Variants in IL1RAPL2 observed in about 807,000 individuals in gnomAD.
IL1RAPL2 encodes the protein interleukin 1 receptor accessory protein like 2.
Under a neutral mutation model 44.1 loss-of-function variants are expected in IL1RAPL2, and 3 were observed. The ratio of observed to expected loss-of-function variants is 0.07; its 90% CI spans 0.03 to 0.18. The LOEUF is 0.18. IL1RAPL2 is among the 10% of genes least tolerant of loss of function. The pLI, the probability that IL1RAPL2 is intolerant of heterozygous loss-of-function variation, is 1.00. For missense variants in IL1RAPL2, 391 were observed against 496.4 expected, an observed-to-expected ratio of 0.79 and a Z score of 2.02; for synonymous variants, 181 against 178.8, an observed-to-expected ratio of 1.01 and a Z score of -0.10.
intron 2 of IL1RAPL2, among the ~76,000 whole-genome samples, chrX:105,037,612 C>G (rs2031652877): frequency 8.9e-6 from 1 of 111,754 alleles, no homozygotes; most frequent in African/African-American, 3.3e-5. Context: ...TGCTCTGCTT[C>G]CCCTCCTATT....
rs764733183 is a variant in IL1RAPL2 at position 104,566,634 on chromosome X, C to T, written c.-437C>T. 8.8e-6 allele frequency: 1 copy of T among 113,030 alleles called. No individual in the cohort carries two copies. Among genetic ancestry groups the T allele is most frequent in the Admixed American group, 9.2e-5 (1 of 10,825 alleles). 9.3% of individuals were successfully genotyped at this position (113,030 alleles called of 1,213,427 possible). On this transcript the variant is annotated 5_prime_UTR_variant, in exon 1 of 11. Coordinates refer to ENST00000372582, the MANE Select transcript of IL1RAPL2 (RefSeq NM_017416.2). ...GCAAGGCTGCTCCGAAGCGAAGTCG[C>T]GCAAAAGGAAGAGTCTGGGAGGCAG...
intron 2 of IL1RAPL2, among the ~76,000 whole-genome samples, chrX:105,000,100 A>G (rs1427294339): frequency 6.3e-5 from 7 of 110,533 alleles, no homozygotes; most frequent in Admixed American, 3.9e-4. Flanking sequence ...TATAGATTCA[A>G]TCCCTAGCAA....
At chrX:105,209,132 C>T (rs1315800311) in intron 3 of IL1RAPL2, among the ~76,000 whole-genome samples, 1 of 111,948 alleles carries the variant, frequency 8.9e-6, no homozygotes, top group East Asian at 2.8e-4. Context: ...GGTACAAAGT[C>T]ACAGAAAATT....
intron 3 of IL1RAPL2, among the ~76,000 whole-genome samples, chrX:105,203,208 T>C (rs1347838528): frequency 8.9e-6 from 1 of 112,151 alleles, no homozygotes; most frequent in Non-Finnish European, 1.9e-5. Flanking sequence ...CTATCCCTAT[T>C]TGCTTACCCA....
At chrX:104,930,010 G>T (rs1316072352) in intron 2 of IL1RAPL2, among the ~76,000 whole-genome samples, 1 of 111,545 alleles carries the variant, frequency 9.0e-6, no homozygotes, top group African/African-American at 3.3e-5. Context: ...GTACCCCTGT[G>T]TTCTTTTTCG....
At chrX:104,667,431 T>A (rs1930503989) in intron 2 of IL1RAPL2, among the ~76,000 whole-genome samples, 2 of 111,354 alleles carry the variant, frequency 1.8e-5, no homozygotes, top group Admixed American at 9.6e-5. Flanking sequence ...GAAACTAACA[T>A]GCATCGAGTG....
intron 2 of IL1RAPL2, among the ~76,000 whole-genome samples, chrX:104,895,860 C>T (rs1398831982): frequency 1.8e-5 from 2 of 111,746 alleles, no homozygotes; most frequent in Non-Finnish European, 3.8e-5. Flanking sequence ...CAGAAATCAC[C>T]TGTCTTCTGC....
chrX:105,592,896 A>G lies in IL1RAPL2; in HGVS notation c.772+108509A>G, dbSNP rs187797770. Among the ~76,000 whole-genome samples, 88 of 111,711 alleles carry G rather than the reference A, an allele frequency of 7.9e-4. 4 individuals carry two copies. In the Admixed American group the frequency reaches 8.3e-3, roughly 10 times the overall value. ...CATGTTGACCTTGGAGAATCTGATG[A>G]CTATTTGTCCTGGGGATGGTCCTCT... On this transcript the variant is annotated intron_variant, in intron 6 of 10. Transcript: ENST00000372582.
chrX:105,481,818 G>A (rs1297684564), intron 5 of IL1RAPL2, among the ~76,000 whole-genome samples: 1 of 111,622 alleles, frequency 9.0e-6, no homozygotes, highest in Non-Finnish European at 1.9e-5. Flanking sequence ...CATAGCATAT[G>A]GGGATGGTTC....
intron 2 of IL1RAPL2, among the ~76,000 whole-genome samples, chrX:105,178,853 T>G (rs1325125205): frequency 4.5e-5 from 5 of 111,931 alleles, no homozygotes; most frequent in Non-Finnish European, 7.5e-5. Context: ...GTTTTTTTCT[T>G]ACTGAGTTGT....
At chrX:105,614,964 G>A (rs2037362880) in intron 6 of IL1RAPL2, among the ~76,000 whole-genome samples, 1 of 111,106 alleles carries the variant, frequency 9.0e-6, no homozygotes, top group African/African-American at 3.3e-5. Context: ...TATATAAGGA[G>A]CCCAAACAAT....
At chrX:105,067,699 AT>A (rs1418889554) in intron 2 of IL1RAPL2, among the ~76,000 whole-genome samples, 1 of 112,250 alleles carries the variant, frequency 8.9e-6, no homozygotes, top group African/African-American at 3.2e-5. Flanking sequence ...TGCTGTGAAC[AT>A]TGTGAAATAA....
intron 2 of IL1RAPL2, among the ~76,000 whole-genome samples, chrX:105,194,905 G>A (rs1392761551): frequency 9.0e-6 from 1 of 111,255 alleles, no homozygotes; most frequent in Non-Finnish European, 1.9e-5. Flanking sequence ...TTAGCTGTGC[G>A]ACCTTGGGCA....
intron 2 of IL1RAPL2, among the ~76,000 whole-genome samples, chrX:104,959,584 T>A (rs1264286731): frequency 9.0e-6 from 1 of 111,666 alleles, no homozygotes; most frequent in Non-Finnish European, 1.9e-5. Flanking sequence ...ATATTATGTG[T>A]GCTTGTTTGA....
chrX:104,798,992 TTTA>T (rs1335969854), intron 2 of IL1RAPL2, among the ~76,000 whole-genome samples: 1 of 111,109 alleles, frequency 9.0e-6, no homozygotes, highest in African/African-American at 3.3e-5. Context: ...TTATCATACA[TTTA>T]TTATTATATA....
intron 2 of IL1RAPL2, among the ~76,000 whole-genome samples, chrX:104,914,418 G>A (rs1924347644): frequency 9.0e-6 from 1 of 111,458 alleles, no homozygotes; most frequent in Non-Finnish European, 1.9e-5. Context: ...TAAAAGAGAA[G>A]ACTAAAACAT....
chrX:105,545,628 AGC>A (rs2036789305), intron 6 of IL1RAPL2, among the ~76,000 whole-genome samples: 1 of 112,071 alleles, frequency 8.9e-6, no homozygotes, highest in Non-Finnish European at 1.9e-5. Flanking sequence ...ATGTAATTCT[AGC>A]CTTCATTGTT....
At chrX:104,668,718 G>C (rs1230371783) in intron 2 of IL1RAPL2, among the ~76,000 whole-genome samples, 4 of 107,515 alleles carry the variant, frequency 3.7e-5, no homozygotes, top group Non-Finnish European at 5.8e-5. Flanking sequence ...CTTGTTTCTG[G>C]TCTTAACATT....
intron 5 of IL1RAPL2, among the ~76,000 whole-genome samples, chrX:105,286,619 T>TA (rs200342670): frequency 8.5e-5 from 9 of 106,357 alleles, no homozygotes; most frequent in South Asian, 4.1e-4. Flanking sequence ...TTTTTTTTTT[T>TA]AAAAAAACAA....
Sources: gnomAD v4.1 joint callset for allele counts (sites outside exome capture counted in the v4.1 genomes callset) on GRCh38, gnomAD v4.1.1 for gene constraint, MANE v1.5 for transcripts, NCBI Gene and HGNC (gene_info 2026-07-23, HGNC 2026-07-21) for gene names.